Variants in DHX9 observed in about 807,000 individuals in gnomAD.
The protein encoded by DHX9 is ATP-dependent RNA helicase A.
In DHX9, 27 loss-of-function variants were observed where a neutral mutation model predicts 148.7. The observed-to-expected ratio is 0.18, with a 90% confidence interval of 0.13 to 0.25. The LOEUF (loss-of-function observed/expected upper bound fraction) is 0.25. Ranked by LOEUF, DHX9 falls within the 10% of genes least tolerant of loss-of-function variation. The probability of loss-of-function intolerance (pLI) is 1.00; values close to 1 mark genes in which losing one functional copy is unlikely to be tolerated. For synonymous variants in DHX9, 529 were observed against 516.6 expected (o/e 1.02, Z -0.33); for missense variants, 796 against 1,559.6 (o/e 0.51, Z 8.25).
chr1:182,862,842 T>C (rs16859763), intron 12 of DHX9, among the ~76,000 whole-genome samples: 4,169 of 152,262 alleles, frequency 0.027, 119 homozygotes, highest in African/African-American at 0.071. Context: ...CAACCTCTTA[T>C]GGTATAGAAA....
chr1:182,871,818 C>A (rs1409335074), intron 14 of DHX9, among the ~76,000 whole-genome samples: 1 of 152,102 alleles, frequency 6.6e-6, no homozygotes, highest in African/African-American at 2.4e-5. Flanking sequence ...TATAGTCGGC[C>A]GAGGCGGGTG....
Position 182,887,271 on chromosome 1 carries a change from G to A in DHX9, c.3650G>A (p.Gly1217Asp), listed in dbSNP as rs2102625395. 2 of 1,614,176 alleles carry A rather than the reference G, an allele frequency of 1.2e-6. No homozygotes were observed. The highest frequency in any genetic ancestry group is 1.7e-6 in the Non-Finnish European group (2 of 1,180,042). Residue 1217 changes from glycine (G) to aspartate (D), a missense_variant, in exon 28 of 28, where the codon GGC (glycine) becomes GAC (aspartate). Gly to Asp is a moderately conservative substitution (Grantham distance 94, BLOSUM62 -1). Around this residue, in one of 14 missense-constraint regions of DHX9, gnomAD observed 98 missense variants for 105.5 expected, o/e 0.93. Transcript: ENST00000367549. ...GGATATGGTGCAGGTGTTGGTGGAG[G>A]CTATAGAGGAGTTTCCCGAGGTGGC... ...RAGYGAGVGG[G>D]YRGVSRGGFR...
rs548215051 is a variant in DHX9, at chr1:182,879,382, T to C, written c.2484T>C (p.Ala828=). 8.5e-5 allele frequency: 130 copies of C among 1,529,894 alleles called. 2 individuals carry two copies. In the South Asian group the frequency reaches 1.3e-3, roughly 16 times the overall value. The allele number at this position is 1,529,894 out of a possible 1,614,324, so 94.8% of individuals were successfully genotyped here. The stretch of plus-strand genomic sequence containing the variant: ...CAATTGAACCTCCCCCTTTGGATGC[T>C]GTGATTGAAGCAGAACACACTCTTA... ...AKAIEPPPLD[A]VIEAEHTLRE... Residue 828 remains alanine (A), a synonymous_variant, in exon 21 of 28, where the codon GCT becomes GCC. Transcript: ENST00000367549.
chr1:182,844,539 TG>T (rs201587380), intron 3 of DHX9, among the ~76,000 whole-genome samples: 6 of 151,986 alleles, frequency 3.9e-5, no homozygotes, highest in African/African-American at 9.7e-5. Context: ...AGGTTTTTTT[TG>T]TTTGTTTGTT....
intron 14 of DHX9, among the ~76,000 whole-genome samples, chr1:182,869,684 C>G (rs1648477137): frequency 6.6e-6 from 1 of 152,228 alleles, no homozygotes; most frequent in Non-Finnish European, 1.5e-5. Context: ...CATCTCAGCT[C>G]ACTGCAACCT....
intron 2 of DHX9, among the ~76,000 whole-genome samples, chr1:182,842,888 C>A (rs1667957243): frequency 6.6e-6 from 1 of 152,190 alleles, no homozygotes; most frequent in Non-Finnish European, 1.5e-5. Flanking sequence ...GAGCCTATAT[C>A]TTCCTCAGCT....
intron 14 of DHX9, among the ~76,000 whole-genome samples, chr1:182,867,583 A>G (rs1382630129): frequency 6.6e-6 from 1 of 152,102 alleles, no homozygotes. Context: ...TTGTATTTTC[A>G]GTAAAGACTG....
chr1:182,869,479 C>T (rs1648454756), intron 14 of DHX9, among the ~76,000 whole-genome samples: 1 of 151,846 alleles, frequency 6.6e-6, no homozygotes, highest in Non-Finnish European at 1.5e-5. Flanking sequence ...ACCCGGTTTG[C>T]TGCGGTTTGG....
In DHX9 at chr1:182,858,799, C is replaced by T; in HGVS notation, c.967C>T (p.Arg323Ter). 6.2e-7 allele frequency: 1 copy of T among 1,614,114 alleles called. No homozygotes were observed. Among genetic ancestry groups the T allele is most frequent in the East Asian group, 2.2e-5 (1 of 44,864 alleles). Residue 323 changes from arginine (R) to a stop codon, truncating the protein, a stop_gained, in exon 10 of 28, where the codon CGA becomes TGA. Transcript: ENST00000367549. LOFTEE classifies it high-confidence loss of function. ...ATTGGCTCAGTTCGAACCATCTCAG[C>T]GACAAAACCAAGTGGGTGTGGTTCC... ...GKLAQFEPSQ[R>*]QNQVGVVPWS...
chr1:182,860,592 C>G (rs7531833), intron 12 of DHX9, among the ~76,000 whole-genome samples: 9,084 of 152,184 alleles, frequency 0.06, 380 homozygotes, highest in African/African-American at 0.12. Flanking sequence ...AGAAAAAACT[C>G]AATCGAAGTT....
At chr1:182,842,233 C>T (rs2102585786) in intron 1 of DHX9, among the ~76,000 whole-genome samples, 1 of 152,098 alleles carries the variant, frequency 6.6e-6, no homozygotes, top group Admixed American at 6.5e-5. Context: ...GAATATAGGG[C>T]CTTATATAAA....
At chr1:182,856,456 TG>T (rs1361172427) in intron 6 of DHX9, 75 bp from the exon 7 acceptor site, 1 of 1,315,208 alleles carries the variant, frequency 7.6e-7, no homozygotes, top group African/African-American at 1.5e-5. Context: ...TTGGAAAGCC[TG>T]CCTGACTTGG....
At chr1:182,859,933 A>G (rs2102601645) in intron 11 of DHX9, 60 bp from the exon 12 acceptor site, 1 of 1,530,098 alleles carries the variant, frequency 6.5e-7, no homozygotes, top group Non-Finnish European at 8.9e-7. Context: ...TAAAGGATCA[A>G]GACAGTTGCT....
chr1:182,856,624 A>T, intron 7 of DHX9, 46 bp downstream of exon 7: 1 of 1,553,260 alleles, frequency 6.4e-7, no homozygotes, highest in Non-Finnish European at 8.9e-7. Context: ...TGTATAGAGA[A>T]GGAATCTTCA....
intron 3 of DHX9, among the ~76,000 whole-genome samples, chr1:182,846,677 T>C (rs1180435115): frequency 2.6e-5 from 4 of 152,254 alleles, no homozygotes; most frequent in Non-Finnish European, 5.9e-5. Context: ...TTTTGGTTTT[T>C]AGTATTTTGT....
intron 22 of DHX9, 70 bp from the exon 23 acceptor site, chr1:182,881,194 C>G (rs541983736): frequency 1.3e-6 from 2 of 1,495,734 alleles, no homozygotes; most frequent in Non-Finnish European, 9.0e-7. Context: ...CCACAGTCGA[C>G]AGTCCTACCT....
intron 14 of DHX9, among the ~76,000 whole-genome samples, chr1:182,869,423 G>A (rs79112195): frequency 0.01 from 1,560 of 152,110 alleles, 29 homozygotes; most frequent in African/African-American, 0.035. Flanking sequence ...AGTCTTATCC[G>A]GTTTGGCCTG....
intron 3 of DHX9, among the ~76,000 whole-genome samples, chr1:182,851,638 CCCAT>C (rs1668152555): frequency 6.6e-6 from 1 of 152,014 alleles, no homozygotes; most frequent in Non-Finnish European, 1.5e-5. Context: ...CATCCTAAAA[CCCAT>C]GTGGTTAGAT....
At chr1:182,872,286 G>T in intron 14 of DHX9, 51 bp from the exon 15 acceptor site, 3 of 1,495,348 alleles carry the variant, frequency 2.0e-6, no homozygotes, top group Non-Finnish European at 2.7e-6. Flanking sequence ...GGCATAGCTT[G>T]TTATATAAAC....
Sources: allele counts gnomAD v4.1 joint callset (sites outside exome capture counted in the v4.1 genomes callset), GRCh38; gene constraint gnomAD v4.1.1; regional missense constraint gnomAD v4.1.1; transcripts MANE v1.5; gene names NCBI Gene and HGNC (gene_info 2026-07-23, HGNC 2026-07-21).